DPYD: variants seen among roughly 807,000 people sequenced by gnomAD.
DPYD encodes dihydropyrimidine dehydrogenase [NADP(+)].
A neutral mutation model predicts 116.2 loss-of-function variants in DPYD; 109 were observed. That is an observed-to-expected ratio of 0.94 (90% CI 0.80 to 1.10). DPYD has a LOEUF of 1.10. Ranked by LOEUF, DPYD falls within the 50% of genes least tolerant of loss-of-function variation. The pLI is 0.00. For synonymous variants in DPYD, 440 were observed against 432.0 expected (o/e 1.02, Z -0.23); for missense variants, 1,302 against 1,254.5 (o/e 1.04, Z -0.57).
At chr1:97,915,992 C>G (rs1295096394) in intron 1 of DPYD, among the ~76,000 whole-genome samples, 1 of 149,282 alleles carries the variant, frequency 6.7e-6, no homozygotes, top group African/African-American at 2.4e-5. Flanking sequence ...CCACAGTGAT[C>G]AGACATCTTT....
At chr1:97,521,134 T>C (rs1648626484) in intron 12 of DPYD, among the ~76,000 whole-genome samples, 1 of 152,210 alleles carries the variant, frequency 6.6e-6, no homozygotes, top group Non-Finnish European at 1.5e-5. Flanking sequence ...CTCTCCAGCA[T>C]GTGTTGTTTC....
chr1:97,643,310 T>A (rs1376810130), intron 8 of DPYD, among the ~76,000 whole-genome samples: 3 of 152,296 alleles, frequency 2.0e-5, no homozygotes, highest in East Asian at 3.9e-4. Flanking sequence ...AAGACATTTA[T>A]GTGGCTAACA....
At chr1:97,597,144 TAAAAG>T (rs1654941262) in intron 8 of DPYD, among the ~76,000 whole-genome samples, 1 of 152,222 alleles carries the variant, frequency 6.6e-6, no homozygotes, top group Non-Finnish European at 1.5e-5. Flanking sequence ...TGAAACCTGT[TAAAAG>T]AAGACTGAAG....
At chr1:97,781,040 G>A (rs763971943) in intron 3 of DPYD, among the ~76,000 whole-genome samples, 3 of 152,114 alleles carry the variant, frequency 2.0e-5, no homozygotes, top group South Asian at 4.1e-4. Flanking sequence ...GACAGTTAAT[G>A]GGGCAATCTG....
intron 20 of DPYD, among the ~76,000 whole-genome samples, chr1:97,156,461 T>C (rs1259374978): frequency 6.6e-6 from 1 of 151,964 alleles, no homozygotes; most frequent in Non-Finnish European, 1.5e-5. Flanking sequence ...GCAAAGGACA[T>C]GAACAGACAC....
intron 19 of DPYD, among the ~76,000 whole-genome samples, chr1:97,218,803 T>C (rs1660591563): frequency 6.6e-6 from 1 of 152,286 alleles, no homozygotes; most frequent in Admixed American, 6.5e-5. Context: ...GGGTCTAGTT[T>C]GTTGTGAACA....
At chr1:97,430,701 C>A (rs940712277) in intron 14 of DPYD, among the ~76,000 whole-genome samples, 5 of 152,062 alleles carry the variant, frequency 3.3e-5, no homozygotes, top group African/African-American at 7.2e-5. Context: ...AGGAACACTG[C>A]GAGACTGCTG....
chr1:97,228,296 A>G (rs183802734), intron 19 of DPYD, among the ~76,000 whole-genome samples: 4 of 152,190 alleles, frequency 2.6e-5, no homozygotes, highest in Admixed American at 1.3e-4. Flanking sequence ...GCGCTATCAC[A>G]CTTATGCAAC....
At chr1:97,700,226 C>A (rs1161566478) in intron 5 of DPYD, 9 of 455,764 alleles carry the variant, frequency 2.0e-5, no homozygotes, top group Non-Finnish European at 3.1e-5. Context: ...AAGAGAACCA[C>A]AGCTCAGAAA....
chr1:97,494,507 C>A (rs533462899), intron 13 of DPYD, among the ~76,000 whole-genome samples: 2 of 152,110 alleles, frequency 1.3e-5, no homozygotes, highest in Non-Finnish European at 2.9e-5. Flanking sequence ...TTAACACAGG[C>A]GGTTCTAGGA....
chr1:97,575,218 C>T (rs1183538595), intron 10 of DPYD, among the ~76,000 whole-genome samples: 15 of 152,136 alleles, frequency 9.9e-5, no homozygotes, highest in African/African-American at 2.4e-5. Flanking sequence ...TAGATTATAG[C>T]TGACTGGCTC....
At chr1:97,591,934 G>T (rs1654549299) in intron 10 of DPYD, among the ~76,000 whole-genome samples, 1 of 151,746 alleles carries the variant, frequency 6.6e-6, no homozygotes, top group Non-Finnish European at 1.5e-5. Context: ...AACTACCTTG[G>T]ATTTTATAAA....
chr1:97,528,999 C>T (rs564828237), intron 12 of DPYD, among the ~76,000 whole-genome samples: 12 of 152,168 alleles, frequency 7.9e-5, no homozygotes, highest in Non-Finnish European at 1.6e-4. Flanking sequence ...CCTATCCAAA[C>T]TTACCTTATG....
intron 2 of DPYD, among the ~76,000 whole-genome samples, chr1:97,869,476 C>T (rs942968837): frequency 2.6e-5 from 4 of 151,668 alleles, no homozygotes; most frequent in African/African-American, 9.7e-5. Flanking sequence ...GTATAAGGAC[C>T]ATTTTGAGCT....
chr1:97,680,309 G>A (rs1660364669), intron 7 of DPYD, among the ~76,000 whole-genome samples: 1 of 152,140 alleles, frequency 6.6e-6, no homozygotes, highest in Non-Finnish European at 1.5e-5. Context: ...ATGGGATGGG[G>A]AGAGATGTTA....
intron 16 of DPYD, among the ~76,000 whole-genome samples, chr1:97,357,910 A>C (rs1670503450): frequency 1.3e-5 from 2 of 152,168 alleles, no homozygotes. Context: ...TGATTTCTGC[A>C]TTTCCAGCTG....
intron 19 of DPYD, among the ~76,000 whole-genome samples, chr1:97,204,116 G>A (rs1288304393): frequency 6.6e-6 from 1 of 152,122 alleles, no homozygotes; most frequent in Non-Finnish European, 1.5e-5. Context: ...CAATGTTGAA[G>A]TTAATATATG....
chr1:97,544,839 G>A (rs990238196), intron 12 of DPYD, among the ~76,000 whole-genome samples: 2 of 152,106 alleles, frequency 1.3e-5, no homozygotes, highest in African/African-American at 4.8e-5. Context: ...ACTGACCTGT[G>A]TTCAATTTTA....
intron 11 of DPYD, among the ~76,000 whole-genome samples, chr1:97,557,451 G>T (rs967644801): frequency 7.2e-5 from 11 of 151,732 alleles, no homozygotes; most frequent in Non-Finnish European, 1.2e-4. Flanking sequence ...AAGTAGCTGG[G>T]ATTACAGGCG....
Sources: gnomAD v4.1 joint callset for allele counts (sites outside exome capture counted in the v4.1 genomes callset) on GRCh38, gnomAD v4.1.1 for gene constraint, MANE v1.5 for transcripts, NCBI Gene and HGNC (gene_info 2026-07-23, HGNC 2026-07-21) for gene names.